TMTC4: variants seen among roughly 807,000 people sequenced by gnomAD.
TMTC4 encodes the protein transmembrane O-mannosyltransferase targeting cadherins 4.
Under a neutral mutation model 86.0 loss-of-function variants are expected in TMTC4, and 65 were observed. The observed-to-expected ratio is 0.76, with a 90% CI of 0.62 to 0.93. The LOEUF (loss-of-function observed/expected upper bound fraction) is 0.93, where lower values mean the gene tolerates loss of function less well. TMTC4 is among the 40% of genes least tolerant of loss of function. The pLI is 0.00. For missense variants in TMTC4, 866 were observed against 948.1 expected (o/e 0.91, Z 1.14); for synonymous variants, 379 against 382.5 (o/e 0.99, Z 0.11).
intron 2 of TMTC4, among the ~76,000 whole-genome samples, chr13:100,669,771 C>T (rs1434859485): frequency 6.6e-6 from 1 of 152,104 alleles, no homozygotes; most frequent in Non-Finnish European, 1.5e-5. Context: ...CAAACTCGCA[C>T]TTTTTTATCT....
chr13:100,651,274 T>C (rs1185796204), intron 6 of TMTC4, among the ~76,000 whole-genome samples: 1 of 152,176 alleles, frequency 6.6e-6, no homozygotes, highest in Non-Finnish European at 1.5e-5. Context: ...CAATCTGAAA[T>C]ACCAGGCTTT....
intron 6 of TMTC4, among the ~76,000 whole-genome samples, chr13:100,647,018 A>G (rs140087153): frequency 1.3e-5 from 2 of 152,326 alleles, no homozygotes; most frequent in African/African-American, 4.8e-5. Context: ...CACAAGCTTT[A>G]GCGAGAGAGC....
chr13:100,664,896 C>T (rs1392063885), intron 3 of TMTC4, among the ~76,000 whole-genome samples: 1 of 152,164 alleles, frequency 6.6e-6, no homozygotes, highest in Non-Finnish European at 1.5e-5. Flanking sequence ...TGGCTGTATA[C>T]AGAAGGTGCT....
chr13:100,643,195 A>T (rs999674539), intron 6 of TMTC4, among the ~76,000 whole-genome samples: 20 of 152,238 alleles, frequency 1.3e-4, no homozygotes, highest in African/African-American at 4.6e-4. Flanking sequence ...ATCTAAATGA[A>T]TAAGCCAACA....
chr13:100,669,995 G>A (rs1453244389), intron 2 of TMTC4, among the ~76,000 whole-genome samples: 3 of 152,162 alleles, frequency 2.0e-5, no homozygotes, highest in Non-Finnish European at 2.9e-5. Flanking sequence ...CTGCCTGGCT[G>A]TAATGAAGGC....
intron 6 of TMTC4, among the ~76,000 whole-genome samples, chr13:100,650,597 G>A (rs1884312167): frequency 6.6e-6 from 1 of 152,234 alleles, no homozygotes; most frequent in Non-Finnish European, 1.5e-5. Context: ...GCAACACAAT[G>A]AGCATCAGAT....
Position 100,670,274 on chromosome 13 carries a change from A to G in TMTC4, c.3+86T>C, listed in dbSNP as rs1886922678. The G allele has an allele frequency of 2.6e-6, 4 of 1,518,474 alleles. No individual in the cohort carries two copies. The South Asian group carries it at 3.8e-5, about 14-fold the overall frequency. 94.1% of individuals were successfully genotyped at this position (1,518,474 alleles called of 1,614,324 possible). Reference sequence around the variant, plus strand: ...ATGGAATCAATAAGAAGCCAGCCAAATAGGCCACCTGAAGTCACAGGCATC... The same window carrying G: ...ATGGAATCAATAAGAAGCCAGCCAAGTAGGCCACCTGAAGTCACAGGCATC... On this transcript the variant is annotated intron_variant, in intron 2 of 18. Coordinates refer to ENST00000342624, the MANE Select transcript of TMTC4 (RefSeq NM_032813.5).
In TMTC4 at chr13:100,668,796, T is replaced by C. The variant is rs761777350; in HGVS notation, c.4-2A>G. On this transcript the variant is annotated splice_acceptor_variant, in intron 2 of 18. Coordinates refer to ENST00000342624, the MANE Select transcript of TMTC4 (RefSeq NM_032813.5). LOFTEE classifies it high-confidence loss of function. The stretch of plus-strand genomic sequence containing the variant: ...TCCAGCATTATGCTGGTTAGGAATC[T>C]GCAGGAAAAACAACACTGTATAAAT... The C allele has an allele frequency of 1.9e-6, 3 of 1,613,952 alleles. No individual in the cohort carries two copies. Among genetic ancestry groups the C allele is most frequent in the South Asian group, 1.1e-5 (1 of 91,060 alleles).
chr13:100,663,049 C>T lies in TMTC4; in HGVS notation c.467G>A (p.Ser156Asn), dbSNP rs755294274. The T allele has an allele frequency of 1.2e-6, 2 of 1,614,108 alleles. No homozygotes were observed. Among genetic ancestry groups the T allele is most frequent in the African/African-American group, 1.3e-5 (1 of 74,946 alleles). The part of the protein sequence containing the change: ...SVLFGGLQYT[S>N]KGRRLHLAPR... ...GGCGAGGTGCAGCCTCCGGCCTTTA[C>T]TGGTGTACTGCAGGCCGCCAAACAG... Residue 156 changes from serine to asparagine, a missense_variant, in exon 5 of 19, where the codon AGT becomes AAT. By Grantham distance (46) the Ser-to-Asn change is conservative (BLOSUM62 1). Transcript: ENST00000342624.
chr13:100,617,594 C>CTTTTAA (rs1878713229), intron 15 of TMTC4, among the ~76,000 whole-genome samples: 1 of 152,154 alleles, frequency 6.6e-6, no homozygotes, highest in African/African-American at 2.4e-5. Context: ...AACCCTTTCC[C>CTTTTAA]CATTGCTTTA....
intron 12 of TMTC4, among the ~76,000 whole-genome samples, chr13:100,628,001 C>G (rs1307982408): frequency 6.6e-6 from 1 of 152,042 alleles, no homozygotes. Flanking sequence ...AATTGGTGAC[C>G]AACTGATAGG....
rs764706268 is a variant in TMTC4 at position 100,625,582 on chromosome 13, T to A, written c.1789A>T (p.Lys597Ter). The A allele has an allele frequency of 6.2e-7, 1 of 1,614,246 alleles. No individual in the cohort carries two copies. The highest frequency in any genetic ancestry group is 8.5e-7 in the Non-Finnish European group (1 of 1,180,050). The change falls in exon 15 of 19, where the codon AAA (lysine) becomes TAA (stop). Residue 597 changes from lysine (K) to a stop codon, truncating the protein, a stop_gained. Transcript: ENST00000342624. LOFTEE classifies it high-confidence loss of function. Reference protein sequence around the residue: ...AAEQSYRTAIKHRRKYPDCYY... With the variant: ...AAEQSYRTAI ...CAGTCTGGGTATTTCCTTCTGTGTTTAATTGCTGTCCGGTAACTTTGCTCT... is the reference window on the plus strand; with the variant it reads ...CAGTCTGGGTATTTCCTTCTGTGTTAAATTGCTGTCCGGTAACTTTGCTCT...
At chr13:100,620,255 T>A (rs927549484) in intron 15 of TMTC4, among the ~76,000 whole-genome samples, 4 of 152,216 alleles carry the variant, frequency 2.6e-5, no homozygotes, top group Non-Finnish European at 5.9e-5. Flanking sequence ...CAACAGGCAC[T>A]GGATGGTGGG....
intron 7 of TMTC4, among the ~76,000 whole-genome samples, chr13:100,639,621 C>T (rs1313883252): frequency 2.0e-5 from 3 of 152,122 alleles, no homozygotes; most frequent in South Asian, 2.1e-4. Context: ...TAAATTCAAC[C>T]GAACTCTCTC....
chr13:100,635,747 CT>C (rs1198641166), intron 10 of TMTC4: 2 of 153,214 alleles, frequency 1.3e-5, no homozygotes, highest in African/African-American at 4.8e-5. Context: ...CATTGAAACA[CT>C]TCTGGAACCA....
intron 12 of TMTC4, among the ~76,000 whole-genome samples, chr13:100,632,053 A>ACACTCTCTCTCT (rs1296569630): frequency 0.025 from 1,068 of 42,782 alleles, 13 homozygotes; most frequent in Non-Finnish European, 0.036. Flanking sequence ...ACACACACAC[A>ACACTCTCTCTCT]CTCTCTCTCT....
chr13:100,608,704 T>C (rs1335933073), intron 17 of TMTC4, among the ~76,000 whole-genome samples: 1 of 152,194 alleles, frequency 6.6e-6, no homozygotes, highest in Non-Finnish European at 1.5e-5. Context: ...GAACTGTTTA[T>C]AAATTGATCT....
intron 6 of TMTC4, among the ~76,000 whole-genome samples, chr13:100,652,039 G>C (rs1474126229): frequency 6.6e-6 from 1 of 152,090 alleles, no homozygotes; most frequent in African/African-American, 2.4e-5. Flanking sequence ...GACTACATAG[G>C]GTAAAATAAA....
At chr13:100,674,632 C>T (rs1297012115) in intron 1 of TMTC4, 112 bp downstream of exon 1, 1 of 982,676 alleles carries the variant, frequency 1.0e-6, no homozygotes, top group Non-Finnish European at 1.2e-6. Context: ...TGGCCCGGGC[C>T]GCCGTGCGGG....
Sources: gnomAD v4.1 joint callset for allele counts (sites outside exome capture counted in the v4.1 genomes callset) on GRCh38, gnomAD v4.1.1 for gene constraint, MANE v1.5 for transcripts, NCBI Gene and HGNC (gene_info 2026-07-23, HGNC 2026-07-21) for gene names.